Variants in ADGRE2 observed in about 807,000 individuals in gnomAD.
ADGRE2 encodes CD97 antigen.
ADGRE2 carries 83 observed loss-of-function variants against 100.8 expected under a neutral mutation model. The observed-to-expected ratio is 0.82, with a 90% CI of 0.69 to 0.99. The LOEUF (loss-of-function observed/expected upper bound fraction) is 0.99, where lower values mean the gene tolerates loss of function less well. Among genes scored for constraint, ADGRE2 ranks in the 50% least tolerant of loss-of-function variants. The probability of loss-of-function intolerance (pLI) is 0.00; values close to 1 mark genes in which losing one functional copy is unlikely to be tolerated. For synonymous variants in ADGRE2, 355 were observed against 413.0 expected (o/e 0.86, Z 1.70); for missense variants, 814 against 1,035.7 (o/e 0.79, Z 2.94).
intron 5 of ADGRE2, among the ~76,000 whole-genome samples, chr19:14,770,925 C>T (rs1347673232): frequency 6.6e-6 from 1 of 152,014 alleles, no homozygotes; most frequent in East Asian, 1.9e-4. Flanking sequence ...GGTGATCCAC[C>T]CGCCTCAGCC....
At chr19:14,751,308 T>A (rs1056666692) in intron 16 of ADGRE2, 128 bp downstream of exon 16, 23 of 663,762 alleles carry the variant, frequency 3.5e-5, no homozygotes, top group Non-Finnish European at 6.2e-5. Context: ...TGCAGTGTAA[T>A]CCAACCAATA....
At chr19:14,727,734 T>C (rs1163470499), downstream of ADGRE2, among the ~76,000 whole-genome samples, 1 of 151,766 alleles carries the variant, frequency 6.6e-6, no homozygotes, top group African/African-American at 2.4e-5. Flanking sequence ...GAGGCAGTGA[T>C]TTACAAACTT....
intron 18 of ADGRE2, among the ~76,000 whole-genome samples, chr19:14,745,678 C>T (rs916434187): frequency 6.6e-6 from 1 of 150,466 alleles, no homozygotes; most frequent in Non-Finnish European, 1.5e-5. Context: ...GATCTCGGCT[C>T]ACCGCAACCT....
At position 14,743,420 on chromosome 19, in the gene ADGRE2, C is replaced by A. The variant is rs202101555; in HGVS notation, c.2463G>T (p.Thr821=). 1 of 1,613,306 alleles carries A rather than the reference C, an allele frequency of 6.2e-7. No homozygotes were observed. Among genetic ancestry groups the A allele is most frequent in the Middle Eastern group, 1.6e-4 (1 of 6,062 alleles). ...GCTCTGGAGCAATGCGTGATCTTAC[C>A]GTGCTGGGTTTGGAGGTGTCAGCCT... ...SAKADTSKPS[T]VN Residue 821 remains threonine (T), a splice_region_variant and synonymous_variant, in exon 20 of 21, where the codon ACG becomes ACT. Transcript: ENST00000315576.
intron 4 of ADGRE2, among the ~76,000 whole-genome samples, chr19:14,772,971 C>CG (rs1452399712): frequency 1.3e-5 from 2 of 148,546 alleles, no homozygotes; most frequent in Non-Finnish European, 3.0e-5. Flanking sequence ...CCCAGCTACT[C>CG]GGGAGGCTGA....
At chr19:14,774,336 G>A (rs561397393) in intron 2 of ADGRE2, 30 bp from the exon 3 acceptor site, 5 of 1,391,960 alleles carry the variant, frequency 3.6e-6, no homozygotes, top group Non-Finnish European at 4.9e-6. Context: ...GGGGGTCAGA[G>A]GGGATCCCAG....
intron 15 of ADGRE2, among the ~76,000 whole-genome samples, chr19:14,752,121 C>T (rs1018339217): frequency 2.0e-5 from 3 of 151,530 alleles, no homozygotes; most frequent in South Asian, 4.2e-4. Flanking sequence ...TTAGTAGAGA[C>T]GGGGTTTCTC....
intron 11 of ADGRE2, among the ~76,000 whole-genome samples, chr19:14,763,064 G>A (rs1454172952): frequency 1.3e-5 from 2 of 152,150 alleles, no homozygotes; most frequent in African/African-American, 4.8e-5. Context: ...CAGGCCGGGC[G>A]TGGTGGCTCA....
chr19:14,730,262 T>C (rs540567538), downstream of ADGRE2, among the ~76,000 whole-genome samples: 2 of 151,844 alleles, frequency 1.3e-5, no homozygotes, highest in South Asian at 4.2e-4. Context: ...ACCATGTTGG[T>C]CAGGCTGGTC....
chr19:14,761,701 C>T (rs1047143805), intron 11 of ADGRE2, among the ~76,000 whole-genome samples: 1 of 152,118 alleles, frequency 6.6e-6, no homozygotes, highest in Non-Finnish European at 1.5e-5. Flanking sequence ...AATGGCGGCT[C>T]CATCTTCCCA....
At chr19:14,761,265 G>A (rs936116608) in intron 11 of ADGRE2, among the ~76,000 whole-genome samples, 2 of 152,132 alleles carry the variant, frequency 1.3e-5, no homozygotes, top group Non-Finnish European at 2.9e-5. Flanking sequence ...AATTAGCCGG[G>A]CGTGGTGGCG....
chr19:14,737,284 T>C (rs2042786006), intron 20 of ADGRE2, among the ~76,000 whole-genome samples: 1 of 151,746 alleles, frequency 6.6e-6, no homozygotes, highest in South Asian at 2.1e-4. Flanking sequence ...AACTCCCAGG[T>C]TCAAGTGATC....
At chr19:14,755,441 A>C (rs2043464504) in intron 13 of ADGRE2, among the ~76,000 whole-genome samples, 1 of 152,024 alleles carries the variant, frequency 6.6e-6, no homozygotes, top group Admixed American at 6.6e-5. Flanking sequence ...TGACACAGCG[A>C]GACTCTGTCT....
intron 11 of ADGRE2, among the ~76,000 whole-genome samples, chr19:14,760,207 A>G (rs1246522057): frequency 1.3e-5 from 2 of 152,192 alleles, no homozygotes; most frequent in Admixed American, 6.6e-5. Flanking sequence ...GAGGACTTCA[A>G]TTGTTCCCAA....
chr19:14,774,793 C>G (rs1246641608), intron 2 of ADGRE2, among the ~76,000 whole-genome samples: 1 of 149,286 alleles, frequency 6.7e-6, no homozygotes, highest in Non-Finnish European at 1.5e-5. Context: ...CCTGCCTCAA[C>G]CTCCCAAATA....
At chr19:14,778,057 G>T (rs1445256160) in intron 1 of ADGRE2, among the ~76,000 whole-genome samples, 200 bp downstream of exon 1, 1 of 152,146 alleles carries the variant, frequency 6.6e-6, no homozygotes, top group Non-Finnish European at 1.5e-5. Flanking sequence ...CTGGATCCTT[G>T]AGAAATCACC....
downstream of ADGRE2, among the ~76,000 whole-genome samples, chr19:14,727,424 A>G (rs2042640870): frequency 6.6e-6 from 1 of 152,166 alleles, no homozygotes; most frequent in South Asian, 2.1e-4. Context: ...GGAAGCTTGT[A>G]ATCACAGCAG....
chr19:14,738,219 C>T (rs1180867107), intron 20 of ADGRE2, among the ~76,000 whole-genome samples: 1 of 152,094 alleles, frequency 6.6e-6, no homozygotes, highest in African/African-American at 2.4e-5. Context: ...TTAAAAAGAT[C>T]TATCTGTTTC....
intron 20 of ADGRE2, among the ~76,000 whole-genome samples, chr19:14,739,190 G>A (rs975918750): frequency 3.3e-5 from 5 of 152,088 alleles, no homozygotes; most frequent in South Asian, 4.2e-4. Context: ...GGCTGGTCTC[G>A]AACTCCTGAC....
Sources: gnomAD v4.1 joint callset for allele counts (sites outside exome capture counted in the v4.1 genomes callset) on GRCh38, gnomAD v4.1.1 for gene constraint, MANE v1.5 for transcripts, NCBI Gene and HGNC (gene_info 2026-07-23, HGNC 2026-07-21) for gene names.